SETBP1: variants seen among roughly 807,000 people sequenced by gnomAD.
SETBP1 encodes SET binding protein 1.
A neutral mutation model predicts 101.0 loss-of-function variants in SETBP1; 9 were observed. The ratio of observed to expected loss-of-function variants is 0.09; its 90% CI spans 0.05 to 0.16. The LOEUF (loss-of-function observed/expected upper bound fraction) is 0.16. Ranked by LOEUF, SETBP1 falls within the 10% of genes least tolerant of loss-of-function variation. SETBP1 has a pLI of 1.00. For synonymous variants in SETBP1, 818 were observed against 788.5 expected (o/e 1.04, Z -0.63); for missense variants, 1,858 against 2,033.8 (o/e 0.91, Z 1.66).
In SETBP1 at chr18:45,020,258, T is replaced by TAAAA. The variant is rs57134217; in HGVS notation, c.4001-18193_4001-18190dup. Among the ~76,000 whole-genome samples the TAAAA allele has an allele frequency of 4.0e-4, 21 of 53,084 alleles. 2 individuals are homozygous for TAAAA. Among genetic ancestry groups the TAAAA allele is most frequent in the Middle Eastern group, 0.014 (1 of 74 alleles). The allele number at this position is 53,084 out of a possible 152,430, so 34.8% of individuals were successfully genotyped here. A position where few individuals can be genotyped will look rare whatever the true frequency, so the allele number is the denominator to read the frequency against. On this transcript the variant is annotated intron_variant, in intron 4 of 5. Coordinates refer to ENST00000649279, the MANE Select transcript of SETBP1 (RefSeq NM_015559.3). ...CTGGTGACAGAGCAAGACTCTGTCT[T>TAAAA]AAAAAAAAAAAAAAAAAAAAAAAAA...
chr18:44,917,186 G>A (rs554012364), intron 3 of SETBP1, among the ~76,000 whole-genome samples: 32 of 152,210 alleles, frequency 2.1e-4, no homozygotes, highest in Non-Finnish European at 2.4e-4. Flanking sequence ...TAGGAATAGC[G>A]TGCACCAGGA....
chr18:44,735,462 G>T (rs1184175080), intron 2 of SETBP1, among the ~76,000 whole-genome samples: 2 of 152,120 alleles, frequency 1.3e-5, no homozygotes, highest in Non-Finnish European at 2.9e-5. Flanking sequence ...TATTTAATGA[G>T]ACTAATTCTG....
intron 4 of SETBP1, among the ~76,000 whole-genome samples, chr18:45,000,355 G>A (rs1215858670): frequency 6.6e-6 from 1 of 152,208 alleles, no homozygotes; most frequent in African/African-American, 2.4e-5. Context: ...GTGAGAGCTA[G>A]GCCCAAGGAC....
intron 2 of SETBP1, among the ~76,000 whole-genome samples, chr18:44,826,921 G>A (rs2072251711): frequency 6.6e-6 from 1 of 152,060 alleles, no homozygotes; most frequent in Admixed American, 6.6e-5. Context: ...AGCTGCTTTG[G>A]GCCCACAAAA....
intron 1 of SETBP1, among the ~76,000 whole-genome samples, chr18:44,681,359 C>T (rs554722115): frequency 6.6e-5 from 10 of 152,160 alleles, no homozygotes; most frequent in Non-Finnish European, 1.2e-4. Context: ...GGGACAAAGT[C>T]AGGTAAACTG....
At chr18:44,818,753 TCACACACACACACACACA>T (rs34683605) in intron 2 of SETBP1, among the ~76,000 whole-genome samples, 1 of 140,572 alleles carries the variant, frequency 7.1e-6, no homozygotes, top group African/African-American at 2.6e-5. Context: ...ACGCACACAC[TCACACACACACACACACA>T]CACACACACT....
At chr18:44,820,012 C>G (rs538999473) in intron 2 of SETBP1, among the ~76,000 whole-genome samples, 6 of 152,328 alleles carry the variant, frequency 3.9e-5, no homozygotes, top group African/African-American at 1.2e-4. Flanking sequence ...AAGGAACAGA[C>G]AACTGGAAGT....
intron 3 of SETBP1, among the ~76,000 whole-genome samples, chr18:44,879,410 T>C (rs2069481102): frequency 6.6e-6 from 1 of 152,100 alleles, no homozygotes; most frequent in Admixed American, 6.5e-5. Context: ...TGAACAGGAT[T>C]GAAAAGATAA....
At chr18:45,053,577 C>G (rs1400112812) in intron 5 of SETBP1, among the ~76,000 whole-genome samples, 1 of 152,048 alleles carries the variant, frequency 6.6e-6, no homozygotes, top group Non-Finnish European at 1.5e-5. Flanking sequence ...AGTATGCTAG[C>G]TAATACATAA....
chr18:44,869,544 A>T, intron 3 of SETBP1: 1 of 376,282 alleles, frequency 2.7e-6, no homozygotes, highest in Non-Finnish European at 5.1e-6. Flanking sequence ...GATGCTCGGA[A>T]TGTTAAGTGT....
chr18:44,745,962 G>A (rs2070234171), intron 2 of SETBP1, among the ~76,000 whole-genome samples: 1 of 152,168 alleles, frequency 6.6e-6, no homozygotes, highest in African/African-American at 2.4e-5. Context: ...TCCTTGATCT[G>A]GAAGGCACAC....
chr18:44,807,041 AT>A (rs1440807076), intron 2 of SETBP1, among the ~76,000 whole-genome samples: 1 of 152,112 alleles, frequency 6.6e-6, no homozygotes, highest in Non-Finnish European at 1.5e-5. Context: ...TCAAAACTGC[AT>A]TGAGTGTGTT....
chr18:44,920,729 C>G (rs1243710026), intron 3 of SETBP1, among the ~76,000 whole-genome samples: 2 of 152,156 alleles, frequency 1.3e-5, no homozygotes, highest in Non-Finnish European at 2.9e-5. Context: ...TGAGTTAGAG[C>G]CCTCAAGAAC....
At chr18:44,876,637 C>G (rs1465950727) in intron 3 of SETBP1, 5 of 1,551,538 alleles carry the variant, frequency 3.2e-6, no homozygotes, top group Admixed American at 3.9e-5. Context: ...AAAGCAATTC[C>G]TGTCCCAGGA....
chr18:44,949,441 G>A (rs2071284075), intron 3 of SETBP1, among the ~76,000 whole-genome samples: 1 of 152,246 alleles, frequency 6.6e-6, no homozygotes, highest in African/African-American at 2.4e-5. Flanking sequence ...AACACTGGGA[G>A]TCGGGAATTT....
intron 3 of SETBP1, among the ~76,000 whole-genome samples, chr18:44,902,450 AGCTAGT>A (rs2070072859): frequency 7.5e-6 from 1 of 133,376 alleles, no homozygotes; most frequent in African/African-American, 2.8e-5. Context: ...TTCAGATATC[AGCTAGT>A]GCAAGAGAGA....
intron 2 of SETBP1, among the ~76,000 whole-genome samples, chr18:44,825,808 T>C (rs1325925493): frequency 1.3e-5 from 2 of 152,230 alleles, no homozygotes; most frequent in Non-Finnish European, 2.9e-5. Context: ...CTTTTATTTC[T>C]CAAAGTTTAC....
chr18:44,801,586 G>A (rs2071608944), intron 2 of SETBP1, among the ~76,000 whole-genome samples: 1 of 152,134 alleles, frequency 6.6e-6, no homozygotes, highest in Non-Finnish European at 1.5e-5. Context: ...ATGTGCACAG[G>A]TTTGCATATG....
chr18:44,876,975 T>TGCA (rs2069420941), intron 3 of SETBP1: 2 of 1,237,938 alleles, frequency 1.6e-6, no homozygotes, highest in Admixed American at 3.9e-5. Flanking sequence ...GCGGCCCTGA[T>TGCA]GCAGCATTCA....
Sources: allele counts gnomAD v4.1 joint callset (sites outside exome capture counted in the v4.1 genomes callset), GRCh38; gene constraint gnomAD v4.1.1; transcripts MANE v1.5; gene names NCBI Gene and HGNC (gene_info 2026-07-23, HGNC 2026-07-21).